The following PCDHA11 variants were observed in gnomAD, a reference collection of about 807,000 sequenced individuals.
The protein encoded by PCDHA11 is protocadherin alpha 11.
Under a neutral mutation model 70.3 loss-of-function variants are expected in PCDHA11, and 61 were observed. The ratio of observed to expected loss-of-function variants is 0.87; its 90% CI spans 0.71 to 1.07. The LOEUF (loss-of-function observed/expected upper bound fraction) is 1.07. Among genes scored for constraint, PCDHA11 ranks in the 50% least tolerant of loss-of-function variants. The pLI, the probability that PCDHA11 is intolerant of heterozygous loss-of-function variation, is 0.00. For missense variants in PCDHA11, 1,324 were observed against 1,237.5 expected (o/e 1.07, Z -1.05); for synonymous variants, 633 against 555.1 (o/e 1.14, Z -1.97).
intron 1 of PCDHA11, among the ~76,000 whole-genome samples, chr5:140,925,576 A>G (rs1157907719): frequency 2.0e-5 from 3 of 151,872 alleles, no homozygotes; most frequent in African/African-American, 7.3e-5. Flanking sequence ...CAGCACACCA[A>G]CATGGCGCAT....
intron 1 of PCDHA11, among the ~76,000 whole-genome samples, chr5:140,920,225 G>A (rs80019196): frequency 2.9e-3 from 441 of 151,762 alleles, no homozygotes; most frequent in African/African-American, 0.01. Flanking sequence ...CACATTTATA[G>A]TATTATATAC....
At chr5:140,958,711 T>C (rs1402769483) in intron 1 of PCDHA11, among the ~76,000 whole-genome samples, 1 of 152,216 alleles carries the variant, frequency 6.6e-6, no homozygotes, top group Non-Finnish European at 1.5e-5. Flanking sequence ...AACTCTGTTA[T>C]AATAAATGTA....
chr5:140,978,424 T>C (rs1554239310), intron 1 of PCDHA11, among the ~76,000 whole-genome samples: 1 of 152,238 alleles, frequency 6.6e-6, no homozygotes, highest in African/African-American at 2.4e-5. Flanking sequence ...GAGACTGTTA[T>C]CAGTTGCTGG....
chr5:140,871,103 C>T lies in PCDHA11; in HGVS notation c.2000C>T (p.Ser667Leu), dbSNP rs202137231. The change falls in exon 1 of 4, where the codon TCG (serine) becomes TTG (leucine). Residue 667 changes from serine to leucine, a missense_variant. Physicochemically the swap from Ser to Leu is moderately radical, Grantham distance 145. Coordinates refer to ENST00000398640, the MANE Select transcript of PCDHA11 (RefSeq NM_018902.5). Reference protein sequence around the residue: ...ALTATATVLVSLVESGQAPKA... With the variant: ...ALTATATVLVLLVESGQAPKA... Reference sequence around the variant, plus strand: ...ACGGCCACGGCCACCGTGCTGGTGTCGTTGGTGGAGAGCGGACAGGCGCCA... The same window carrying T: ...ACGGCCACGGCCACCGTGCTGGTGTTGTTGGTGGAGAGCGGACAGGCGCCA... 4 of 1,613,290 alleles carry T rather than the reference C, an allele frequency of 2.5e-6. No individual in the cohort carries two copies. The Admixed American group carries it at 5.0e-5, about 20-fold the overall frequency.
intron 1 of PCDHA11, among the ~76,000 whole-genome samples, chr5:140,900,977 C>T (rs1223245503): frequency 2.0e-5 from 3 of 152,112 alleles, no homozygotes; most frequent in South Asian, 2.1e-4. Flanking sequence ...AGTATCTTTT[C>T]CTATACCTGT....
At position 140,966,633 on chromosome 5, in the gene PCDHA11, C is replaced by T. The variant is rs2096029445; in HGVS notation, c.2392-12316C>T. ...GGCCTACGGAGGGAGCGGCCCCAGG[C>T]GCTTTCTAGAGCGTGAGCGGTGGGG... On this transcript the variant is annotated intron_variant, in intron 1 of 3. Transcript: ENST00000398640. 9 of 1,005,684 alleles carry T rather than the reference C, an allele frequency of 8.9e-6. No homozygotes were observed. In the South Asian group the frequency reaches 1.6e-4, roughly 18 times the overall value. 62.3% of individuals were successfully genotyped at this position (1,005,684 alleles called of 1,614,324 possible).
intron 1 of PCDHA11, among the ~76,000 whole-genome samples, chr5:140,955,954 T>C (rs782364189): frequency 2.0e-5 from 3 of 152,184 alleles, no homozygotes; most frequent in Non-Finnish European, 2.9e-5. Context: ...TACTTGCTTG[T>C]TGTTTGTGCA....
intron 1 of PCDHA11, among the ~76,000 whole-genome samples, chr5:140,890,162 A>G (rs1433054233): frequency 6.6e-6 from 1 of 152,184 alleles, no homozygotes; most frequent in Non-Finnish European, 1.5e-5. Context: ...TATTTCTGCC[A>G]CAGAAATAGG....
rs374520361 is a variant in PCDHA11, at chr5:140,870,742, A to C, written c.1639A>C (p.Asn547His). 10 of 1,613,406 alleles carry C rather than the reference A, an allele frequency of 6.2e-6. No homozygotes were observed. In the African/African-American group the frequency reaches 1.1e-4, roughly 17 times the overall value. Residue 547 changes from asparagine to histidine, a missense_variant, in exon 1 of 4, where the codon AAC becomes CAC. Transcript: ENST00000398640. ...RDAGVPPLSS[N>H]VTLQVFVLDE... ...TGCGGGCGTGCCGCCTCTGAGCAGC[A>C]ACGTGACGCTGCAGGTGTTCGTGCT...
rs1007708043 is a variant in PCDHA11 at position 140,967,271 on chromosome 5, A to G, written c.2392-11678A>G. 3.1e-6 allele frequency: 5 copies of G among 1,613,338 alleles called. No individual in the cohort carries two copies. The South Asian group carries it at 5.5e-5, about 18-fold the overall frequency. On this transcript the variant is annotated intron_variant, in intron 1 of 3. Transcript: ENST00000398640. The stretch of plus-strand genomic sequence containing the variant: ...GGTGGCGCCTGGAGCGCGCTTTCAC[A>G]TAGAGAGTGCGCAGGACCCCGACGT...
rs57893927 is a variant in PCDHA11, at chr5:140,946,631, T to TATATATATATATATATATATATAC, written c.2392-32317_2392-32316insTATATATATATATATATATATACA. Among the ~76,000 whole-genome samples the TATATATATATATATATATATATAC allele has an allele frequency of 2.6e-3, 340 of 131,752 alleles. 23 individuals carry two copies. The highest frequency in any genetic ancestry group is 0.011 in the African/African-American group (303 of 28,632). The allele number at this position is 131,752 out of a possible 152,430, so 86.4% of individuals were successfully genotyped here. On this transcript the variant is annotated intron_variant, in intron 1 of 3. Transcript: ENST00000398640. ...TGTGAAATATATATATATATATATA[T>TATATATATATATATATATATATAC]ACAATGGAATACTCATCAGCCATTA...
At chr5:140,927,782 C>T (rs550993125) in intron 1 of PCDHA11, 50 of 1,614,098 alleles carry the variant, frequency 3.1e-5, no homozygotes, top group South Asian at 2.2e-4. Context: ...CAAGTAGCTG[C>T]TTCACTAGGT....
rs112292443 is a variant in PCDHA11 at position 140,899,661 on chromosome 5, C to T, written c.2391+28167C>T. Among the ~76,000 whole-genome samples the T allele has an allele frequency of 4.4e-3, 665 of 152,224 alleles. 7 individuals carry two copies. Among genetic ancestry groups the T allele is most frequent in the African/African-American group, 0.015 (620 of 41,530 alleles). ...ATTCTCTTATTTGGTTGTGTCTCTGCCCGGCTTTGGTATCAGGATGATGCT... is the reference window on the plus strand; with the variant it reads ...ATTCTCTTATTTGGTTGTGTCTCTGTCCGGCTTTGGTATCAGGATGATGCT... On this transcript the variant is annotated intron_variant, in intron 1 of 3. Transcript: ENST00000398640.
chr5:140,905,882 A>G (rs1213836068), intron 1 of PCDHA11, among the ~76,000 whole-genome samples: 1 of 152,192 alleles, frequency 6.6e-6, no homozygotes, highest in Admixed American at 6.5e-5. Context: ...GCCCAACAAT[A>G]GGCCATCTGC....
At chr5:140,905,360 T>C (rs2071771480) in intron 1 of PCDHA11, among the ~76,000 whole-genome samples, 2 of 152,238 alleles carry the variant, frequency 1.3e-5, no homozygotes, top group Non-Finnish European at 2.9e-5. Context: ...TTTGACTATA[T>C]TTCTGGTTCT....
rs782045843 is a variant in PCDHA11 at position 140,884,051 on chromosome 5, C to A, written c.2391+12557C>A. Reference sequence around the variant, plus strand: ...TGCAGGCCACGTGGTGGCGAAGGTGCGCGCGGTGGACGCCGATTCGGGCTA... The same window carrying A: ...TGCAGGCCACGTGGTGGCGAAGGTGAGCGCGGTGGACGCCGATTCGGGCTA... On this transcript the variant is annotated intron_variant, in intron 1 of 3. Coordinates refer to ENST00000398640, the MANE Select transcript of PCDHA11 (RefSeq NM_018902.5). The A allele has an allele frequency of 9.3e-6, 15 of 1,613,426 alleles. No homozygotes were observed. In the South Asian group the frequency reaches 1.6e-4, roughly 18 times the overall value.
chr5:140,928,896 A>G, intron 1 of PCDHA11: 3 of 1,614,108 alleles, frequency 1.9e-6, no homozygotes, highest in Non-Finnish European at 2.5e-6. Context: ...CAGACTTTGA[A>G]GATGTCTGGG....
intron 3 of PCDHA11, among the ~76,000 whole-genome samples, chr5:140,993,758 T>C (rs1205942777): frequency 6.6e-6 from 1 of 152,226 alleles, no homozygotes; most frequent in Non-Finnish European, 1.5e-5. Flanking sequence ...GCCATTATAT[T>C]ACAATTGCGC....
intron 1 of PCDHA11, chr5:140,877,398 T>C: frequency 1.2e-6 from 2 of 1,613,870 alleles, no homozygotes; most frequent in Middle Eastern, 1.6e-4. Flanking sequence ...AGGCGGACGC[T>C]CCGCGCCACC....
Sources: allele counts gnomAD v4.1 joint callset (sites outside exome capture counted in the v4.1 genomes callset), GRCh38; gene constraint gnomAD v4.1.1; transcripts MANE v1.5; gene names NCBI Gene and HGNC (gene_info 2026-07-23, HGNC 2026-07-21).